Variants in MPHOSPH10 observed in about 807,000 individuals in gnomAD.
MPHOSPH10 encodes U3 small nucleolar ribonucleoprotein MPP10.
MPHOSPH10 carries 33 observed loss-of-function variants against 77.3 expected under a neutral mutation model. The ratio of observed to expected loss-of-function variants is 0.43; its 90% confidence interval spans 0.32 to 0.57. The LOEUF is 0.57. MPHOSPH10 is among the 20% of genes least tolerant of loss of function. MPHOSPH10 has a pLI of 0.07. For missense variants in MPHOSPH10, 708 were observed against 780.1 expected, an observed-to-expected ratio of 0.91 and a Z score of 1.10; for synonymous variants, 245 against 268.0, an observed-to-expected ratio of 0.91 and a Z score of 0.84.
At chr2:71,138,971 T>A (rs1572898991) in intron 5 of MPHOSPH10, 1 of 547,438 alleles carries the variant, frequency 1.8e-6, no homozygotes, top group Non-Finnish European at 3.3e-6. Flanking sequence ...AAAGGGGAGG[T>A]TGCAGTGAGC....
intron 7 of MPHOSPH10, among the ~76,000 whole-genome samples, chr2:71,142,561 A>G (rs1673632366): frequency 6.6e-6 from 1 of 152,254 alleles, no homozygotes; most frequent in South Asian, 2.1e-4. Flanking sequence ...TAGAAGTGAA[A>G]TGATGGTAAA....
At chr2:71,136,035 A>G (rs1373697119) in intron 4 of MPHOSPH10, among the ~76,000 whole-genome samples, 2 of 152,150 alleles carry the variant, frequency 1.3e-5, no homozygotes, top group East Asian at 1.9e-4. Context: ...GGTGCTCCAC[A>G]GATTTTTGTG....
At position 71,133,492 on chromosome 2, in the gene MPHOSPH10, T is replaced by TGAG; in HGVS notation, c.693_695dup (p.Glu232dup). 6.2e-7 allele frequency: 1 copy of TGAG among 1,613,322 alleles called. No homozygotes were observed. The highest frequency in any genetic ancestry group is 1.1e-5 in the South Asian group (1 of 91,016). On this transcript the variant is annotated inframe_insertion, in exon 2 of 11. Coordinates refer to ENST00000244230, the MANE Select transcript of MPHOSPH10 (RefSeq NM_005791.3). ...AAGAGGAACGAAAAGATGATAATGA[T>TGAG]GAGGAGGAGGAAGATATTGATTTTT...
chr2:71,134,893 G>A, intron 4 of MPHOSPH10, 96 bp downstream of exon 4: 4 of 1,007,328 alleles, frequency 4.0e-6, no homozygotes, highest in Middle Eastern at 3.3e-4. Flanking sequence ...TTGGCCAGGT[G>A]CAGTGGCTCA....
At chr2:71,136,945 C>T (rs560816504) in intron 4 of MPHOSPH10, among the ~76,000 whole-genome samples, 22 of 147,066 alleles carry the variant, frequency 1.5e-4, no homozygotes, top group South Asian at 4.3e-4. Context: ...CACACACACA[C>T]ACACACACAC....
rs748054186 is a variant in MPHOSPH10 at position 71,133,403 on chromosome 2, A to G, written c.595A>G (p.Ile199Val). The part of the protein sequence containing the change: ...KGQGKPREKS[I>V]VDDKFFKLSE... ...ACAGGGAAAACCAAGAGAAAAGTCC[A>G]TAGTAGATGATAAATTCTTCAAACT... Residue 199 changes from isoleucine (I) to valine (V), a missense_variant, in exon 2 of 11, where the codon ATA becomes GTA. Around this residue, in one of 3 missense-constraint regions of MPHOSPH10, gnomAD observed 433 missense variants for 432.6 expected, o/e 1.00. Transcript: ENST00000244230. 3.1e-6 allele frequency: 5 copies of G among 1,614,140 alleles called. No homozygotes were observed. Among genetic ancestry groups the G allele is most frequent in the South Asian group, 1.1e-5 (1 of 91,088 alleles).
At position 71,132,953 on chromosome 2, in the gene MPHOSPH10, T is replaced by C. The variant is rs1437832474; in HGVS notation, c.145T>C (p.Phe49Leu). ...FTSLTKVLYD[F>L]NKILENGRIH... ...TTCTTTAACAAAAGTGCTTTATGAC[T>C]TTAATAAAATATTAGAGAATGGTAG... The change falls in exon 2 of 11, where the codon TTT becomes CTT. Residue 49 changes from phenylalanine to leucine, a missense_variant. This residue lies in a region of MPHOSPH10 where 433 missense variants were observed against 432.6 expected (regional missense o/e 1.00). Coordinates refer to ENST00000244230, the MANE Select transcript of MPHOSPH10 (RefSeq NM_005791.3). The C allele has an allele frequency of 9.3e-6, 15 of 1,613,558 alleles. No homozygotes were observed. Among genetic ancestry groups the C allele is most frequent in the Admixed American group, 8.3e-5 (5 of 59,928 alleles).
chr2:71,139,932 T>C, intron 6 of MPHOSPH10, 70 bp downstream of exon 6: 1 of 1,066,466 alleles, frequency 9.4e-7, no homozygotes, highest in Non-Finnish European at 1.4e-6. Context: ...GAGAGTACTT[T>C]GAGAGTAGGA....
chr2:71,140,302 C>T (rs1673587243), intron 6 of MPHOSPH10, among the ~76,000 whole-genome samples: 1 of 152,120 alleles, frequency 6.6e-6, no homozygotes, highest in Non-Finnish European at 1.5e-5. Flanking sequence ...AGTCCAAGGT[C>T]GAGGGGCCTT....
rs1673360711 is a variant in MPHOSPH10, at chr2:71,130,752, C to T, written c.87C>T (p.Leu29=). The change falls in exon 1 of 11, where the codon CTC becomes CTT. Residue 29 remains leucine (L), a splice_region_variant and synonymous_variant. Coordinates refer to ENST00000244230, the MANE Select transcript of MPHOSPH10 (RefSeq NM_005791.3). ...GKATGRPECF[L]TIQEGLASKF... ...CCACGGGTCGGCCCGAGTGCTTCCT[C>T]ACGTAAGTGCGCAGATCCCGGGCTC... is the stretch of plus-strand genomic sequence containing the variant. The T allele has an allele frequency of 1.2e-6, 2 of 1,606,896 alleles. No homozygotes were observed. Among genetic ancestry groups the T allele is most frequent in the Admixed American group, 1.7e-5 (1 of 59,796 alleles).
rs893171251 is a variant in MPHOSPH10, at chr2:71,138,588, C to T, written c.1197C>T (p.Ser399=). 2.5e-6 allele frequency: 4 copies of T among 1,614,056 alleles called. No homozygotes were observed. The African/African-American group carries it at 5.3e-5, about 22-fold the overall frequency. Residue 399 remains serine, a synonymous_variant, in exon 5 of 11, where the codon AGC becomes AGT. Coordinates refer to ENST00000244230, the MANE Select transcript of MPHOSPH10 (RefSeq NM_005791.3). ...CAGCACAGAAGAGGCCAGAGAACAG[C>T]CTCCTGGAGGAGACCCTACACTTTG... ...EVTAQKRPEN[S]LLEETLHFDH...
chr2:71,148,917 G>C (rs1673766305), intron 9 of MPHOSPH10: 2 of 360,970 alleles, frequency 5.5e-6, no homozygotes, highest in South Asian at 3.5e-5. Flanking sequence ...TCTAAATGCT[G>C]TGGAGGGCTG....
chr2:71,134,567 C>CT (rs1191282108), intron 3 of MPHOSPH10, 59 bp from the exon 4 acceptor site: 2 of 1,485,162 alleles, frequency 1.3e-6, no homozygotes, highest in African/African-American at 2.9e-5. Context: ...AATTTGTTTC[C>CT]TTTTGTTTTT....
intron 4 of MPHOSPH10, among the ~76,000 whole-genome samples, 196 bp downstream of exon 4, chr2:71,134,993 C>G (rs1673457636): frequency 6.6e-6 from 1 of 152,130 alleles, no homozygotes; most frequent in East Asian, 1.9e-4. Flanking sequence ...ATAGTGAGAC[C>G]TTGTCTCTAC....
chr2:71,130,690 C>G lies in MPHOSPH10; in HGVS notation c.25C>G (p.Arg9Gly), dbSNP rs1673358345. Residue 9 changes from arginine to glycine, a missense_variant, in exon 1 of 11, where the codon CGG (arginine) becomes GGG (glycine). This residue lies in a region of MPHOSPH10 where 433 missense variants were observed against 432.6 expected (regional missense o/e 1.00). Coordinates refer to ENST00000244230, the MANE Select transcript of MPHOSPH10 (RefSeq NM_005791.3). MAPQVWRR[R>G]TLERCLTEVG... ...CATGGCGCCGCAGGTCTGGCGTCGACGGACCCTGGAGCGGTGTCTGACGGA... is the reference window on the plus strand; with the variant it reads ...CATGGCGCCGCAGGTCTGGCGTCGAGGGACCCTGGAGCGGTGTCTGACGGA... 1 of 1,610,238 alleles carries G rather than the reference C, an allele frequency of 6.2e-7. No homozygotes were observed. The highest frequency in any genetic ancestry group is 8.5e-7 in the Non-Finnish European group (1 of 1,178,872).
Position 71,145,898 on chromosome 2 carries a change from G to A in MPHOSPH10, c.1557+1360G>A, listed in dbSNP as rs146690288. 2.4e-3 allele frequency among the ~76,000 whole-genome samples: 363 copies of A among 152,230 alleles called. 2 individuals are homozygous for A. Among genetic ancestry groups the A allele is most frequent in the Non-Finnish European group, 2.2e-3 (150 of 68,022 alleles). ...TGGCTCCTTATTGCCCAGGCTAGAC[G>A]CCTTTCCCTCCTTGCAGATGTTCCT... On this transcript the variant is annotated intron_variant, in intron 8 of 10. Coordinates refer to ENST00000244230, the MANE Select transcript of MPHOSPH10 (RefSeq NM_005791.3).
Position 71,134,682 on chromosome 2 carries a change from T to G in MPHOSPH10, c.983T>G (p.Leu328Trp). Residue 328 changes from leucine (L) to tryptophan (W), a missense_variant, in exon 4 of 11, where the codon TTG (leucine) becomes TGG (tryptophan). Coordinates refer to ENST00000244230, the MANE Select transcript of MPHOSPH10 (RefSeq NM_005791.3). Reference sequence around the variant, plus strand: ...GACAATAAACAACATAAAGAAAGCTTGAAAAGAGTGACCTTTGCTTTACCA... The same window carrying G: ...GACAATAAACAACATAAAGAAAGCTGGAAAAGAGTGACCTTTGCTTTACCA... ...NEDNKQHKES[L>W]KRVTFALPDD... The G allele has an allele frequency of 6.2e-7, 1 of 1,612,020 alleles. No homozygotes were observed. Among genetic ancestry groups the G allele is most frequent in the Non-Finnish European group, 8.5e-7 (1 of 1,179,250 alleles).
chr2:71,144,395 C>T (rs202004043), intron 7 of MPHOSPH10, 33 bp from the exon 8 acceptor site: 39 of 1,514,428 alleles, frequency 2.6e-5, no homozygotes, highest in Non-Finnish European at 3.3e-5. Flanking sequence ...TATCAAGTCG[C>T]TTAGTTTGAC....
intron 2 of MPHOSPH10, 38 bp downstream of exon 2, chr2:71,133,614 A>C: frequency 1.3e-6 from 1 of 753,882 alleles, no homozygotes; most frequent in Non-Finnish European, 1.9e-6. Context: ...TTTCCTCCTC[A>C]AATTAGCTTT....
Sources: allele counts gnomAD v4.1 joint callset (sites outside exome capture counted in the v4.1 genomes callset), GRCh38; gene constraint gnomAD v4.1.1; regional missense constraint gnomAD v4.1.1; transcripts MANE v1.5; gene names NCBI Gene and HGNC (gene_info 2026-07-23, HGNC 2026-07-21).